The following WWOX variants were observed in gnomAD, a reference collection of about 807,000 sequenced individuals.
The protein encoded by WWOX is WW domain containing oxidoreductase.
A neutral mutation model predicts 46.2 loss-of-function variants in WWOX; 69 were observed. The observed-to-expected ratio is 1.49, with a 90% CI of 1.23 to 1.82. The LOEUF (loss-of-function observed/expected upper bound fraction) is 1.82. Ranked by LOEUF, WWOX falls within the 40% of genes most tolerant of loss-of-function variation. WWOX has a pLI of 0.00. For synonymous variants in WWOX, 359 were observed against 202.6 expected (o/e 1.77, Z -6.56); for missense variants, 919 against 542.6 (o/e 1.69, Z -6.89).
At chr16:78,526,052 T>G (rs548368308) in intron 8 of WWOX, 2 of 152,206 alleles carry the variant, frequency 1.3e-5, no homozygotes, top group Non-Finnish European at 2.9e-5. Context: ...GAAAGAGGTT[T>G]CCTAACAGTA....
At chr16:79,067,727 G>A (rs768604426) in intron 8 of WWOX, among the ~76,000 whole-genome samples, 4 of 152,140 alleles carry the variant, frequency 2.6e-5, no homozygotes, top group Non-Finnish European at 5.9e-5. Flanking sequence ...ATCTGCAGCT[G>A]TATTCGCTGT....
At chr16:78,752,934 A>G (rs2049522403) in intron 8 of WWOX, among the ~76,000 whole-genome samples, 1 of 152,178 alleles carries the variant, frequency 6.6e-6, no homozygotes, top group Admixed American at 6.5e-5. Context: ...TCCAGCTTAA[A>G]TATCAGTGGG....
chr16:78,404,965 A>G (rs1193125795), intron 6 of WWOX, among the ~76,000 whole-genome samples: 4 of 152,188 alleles, frequency 2.6e-5, no homozygotes. Flanking sequence ...ACAATTATCA[A>G]ATGGATGCAT....
chr16:78,422,090 A>G (rs1378133285), intron 6 of WWOX, among the ~76,000 whole-genome samples: 1 of 152,160 alleles, frequency 6.6e-6, no homozygotes, highest in East Asian at 1.9e-4. Context: ...GTTATTTGTA[A>G]TCTACCTTTA....
intron 5 of WWOX, among the ~76,000 whole-genome samples, chr16:78,335,652 G>A (rs1318427058): frequency 1.3e-5 from 2 of 152,158 alleles, no homozygotes; most frequent in Non-Finnish European, 2.9e-5. Context: ...GCACATGTAT[G>A]TTGACTGCAG....
intron 6 of WWOX, among the ~76,000 whole-genome samples, chr16:78,391,092 A>G (rs1233125545): frequency 1.3e-5 from 2 of 152,186 alleles, no homozygotes; most frequent in Non-Finnish European, 2.9e-5. Flanking sequence ...ACTGGTGAGA[A>G]AAGCAGCATA....
At chr16:78,421,730 A>G (rs1395322021) in intron 6 of WWOX, among the ~76,000 whole-genome samples, 2 of 152,184 alleles carry the variant, frequency 1.3e-5, no homozygotes, top group Admixed American at 6.5e-5. Context: ...GAAAAACAAC[A>G]GTAAAGCTGG....
At chr16:78,460,463 C>T (rs1319162483) in intron 8 of WWOX, among the ~76,000 whole-genome samples, 2 of 152,160 alleles carry the variant, frequency 1.3e-5, no homozygotes, top group Non-Finnish European at 2.9e-5. Context: ...TACTCTTTGT[C>T]CTTTTCTCTC....
intron 5 of WWOX, among the ~76,000 whole-genome samples, chr16:78,351,941 G>A (rs187687988): frequency 1.2e-3 from 189 of 152,290 alleles, no homozygotes; most frequent in African/African-American, 4.4e-3. Context: ...ATAGGCATGA[G>A]CCACCACGCC....
At chr16:79,124,461 G>T (rs1325655534) in intron 8 of WWOX, among the ~76,000 whole-genome samples, 1 of 152,170 alleles carries the variant, frequency 6.6e-6, no homozygotes, top group East Asian at 1.9e-4. Context: ...AAGGAAGACA[G>T]GGCAGGAGGG....
intron 5 of WWOX, among the ~76,000 whole-genome samples, chr16:78,337,063 C>G (rs891250024): frequency 6.6e-6 from 1 of 152,118 alleles, no homozygotes; most frequent in Non-Finnish European, 1.5e-5. Flanking sequence ...TTACAGGTGT[C>G]AGCTAGTGCA....
At chr16:79,148,032 C>G (rs777189197) in intron 8 of WWOX, among the ~76,000 whole-genome samples, 17 of 152,100 alleles carry the variant, frequency 1.1e-4, no homozygotes, top group Non-Finnish European at 2.1e-4. Flanking sequence ...CTTGTCTTTT[C>G]ATCATCTTTA....
At chr16:78,671,062 C>G (rs2047452092) in intron 8 of WWOX, among the ~76,000 whole-genome samples, 1 of 152,120 alleles carries the variant, frequency 6.6e-6, no homozygotes, top group African/African-American at 2.4e-5. Flanking sequence ...CTGCAGAACC[C>G]CCAGAAGGGA....
chr16:78,680,030 C>T (rs921187552), intron 8 of WWOX, among the ~76,000 whole-genome samples: 1 of 152,214 alleles, frequency 6.6e-6, no homozygotes, highest in Non-Finnish European at 1.5e-5. Flanking sequence ...CTTTATTTTA[C>T]CTCTGCAAGC....
chr16:78,223,667 C>T (rs2036962541), intron 5 of WWOX, among the ~76,000 whole-genome samples: 1 of 152,112 alleles, frequency 6.6e-6, no homozygotes, highest in African/African-American at 2.4e-5. Context: ...CAGTTTCCAG[C>T]CTGGGTTTCC....
intron 8 of WWOX, among the ~76,000 whole-genome samples, chr16:79,140,806 T>C (rs2050074399): frequency 1.3e-5 from 2 of 152,084 alleles, no homozygotes; most frequent in African/African-American, 4.8e-5. Flanking sequence ...ACGTTTATAC[T>C]TCTGAGTAAG....
At chr16:78,481,764 T>TGTGTGTTTGCGC (rs149940474) in intron 8 of WWOX, among the ~76,000 whole-genome samples, 1 of 148,034 alleles carries the variant, frequency 6.8e-6, no homozygotes, top group African/African-American at 2.5e-5. Context: ...TGTGTGTGTG[T>TGTGTGTTTGCGC]GCGCGCGCCT....
intron 8 of WWOX, among the ~76,000 whole-genome samples, chr16:78,706,644 T>C (rs1334568021): frequency 1.3e-5 from 2 of 152,212 alleles, no homozygotes; most frequent in Non-Finnish European, 2.9e-5. Flanking sequence ...TATGGCAACA[T>C]TGAAAACTTA....
chr16:78,613,131 C>G (rs375982905), intron 8 of WWOX, among the ~76,000 whole-genome samples: 8 of 152,110 alleles, frequency 5.3e-5, no homozygotes, highest in African/African-American at 1.4e-4. Context: ...CTGCTTGCTC[C>G]TCTGCTCACA....
Sources: gnomAD v4.1 joint callset for allele counts (sites outside exome capture counted in the v4.1 genomes callset) on GRCh38, gnomAD v4.1.1 for gene constraint, MANE v1.5 for transcripts, NCBI Gene and HGNC (gene_info 2026-07-23, HGNC 2026-07-21) for gene names.